Variants in BMERB1 observed in about 807,000 individuals in gnomAD.
BMERB1 encodes bMERB domain-containing protein 1.
BMERB1 carries 12 observed loss-of-function variants against 23.6 expected under a neutral mutation model. The observed-to-expected ratio is 0.51, with a 90% confidence interval of 0.33 to 0.82. The LOEUF (loss-of-function observed/expected upper bound fraction) is 0.82. Ranked by LOEUF, BMERB1 falls within the 40% of genes least tolerant of loss-of-function variation. The pLI, the probability that BMERB1 is intolerant of heterozygous loss-of-function variation, is 0.03. For synonymous variants in BMERB1, 122 were observed against 96.6 expected, an observed-to-expected ratio of 1.26 and a Z score of -1.54; for missense variants, 247 against 255.4, an observed-to-expected ratio of 0.97 and a Z score of 0.22.
intron 1 of BMERB1, among the ~76,000 whole-genome samples, chr16:15,465,083 T>A (rs1350137068): frequency 6.6e-6 from 1 of 152,122 alleles, no homozygotes; most frequent in African/African-American, 2.4e-5. Context: ...TACCTGAATC[T>A]GTACATGTGA....
At chr16:15,481,072 T>C (rs985658615) in intron 1 of BMERB1, among the ~76,000 whole-genome samples, 1 of 152,184 alleles carries the variant, frequency 6.6e-6, no homozygotes, top group Admixed American at 6.5e-5. Flanking sequence ...GGTAGAACTT[T>C]AGAGCAAAAT....
chr16:15,547,769 G>A (rs2029964930), intron 2 of BMERB1, among the ~76,000 whole-genome samples: 1 of 152,182 alleles, frequency 6.6e-6, no homozygotes, highest in Non-Finnish European at 1.5e-5. Context: ...TTGAGATAAT[G>A]TGGGTGTCCG....
At chr16:15,451,223 C>T (rs934741294) in intron 1 of BMERB1, among the ~76,000 whole-genome samples, 6 of 152,210 alleles carry the variant, frequency 3.9e-5, no homozygotes, top group Non-Finnish European at 8.8e-5. Flanking sequence ...CTCTCTGGAG[C>T]GAGTCTCACC....
intron 1 of BMERB1, among the ~76,000 whole-genome samples, chr16:15,459,767 A>G (rs1487678062): frequency 6.6e-6 from 1 of 152,196 alleles, no homozygotes; most frequent in East Asian, 1.9e-4. Context: ...GAAGTGCACC[A>G]TAGTGGTGGT....
At chr16:15,566,671 TAAAAATAAAAATAAATTTA>T (rs1848597178) in intron 2 of BMERB1, among the ~76,000 whole-genome samples, 1 of 150,730 alleles carries the variant, frequency 6.6e-6, no homozygotes, top group Non-Finnish European at 1.5e-5. Flanking sequence ...CTAAAAAAAA[TAAAAATAAAAATAAATTTA>T]AAAAATAAAA....
rs79323793 is a variant in BMERB1, at chr16:15,544,735, C to T, written c.231-23248C>T. ...AGGCAGATAAAGACATGAACATTGT[C>T]CCAGCCACAAAAATCACCCAATAGC... On this transcript the variant is annotated intron_variant, in intron 2 of 5. Coordinates refer to ENST00000300006, the MANE Select transcript of BMERB1 (RefSeq NM_033201.3). Among the ~76,000 whole-genome samples, 1,038 of 152,236 alleles carry T rather than the reference C, an allele frequency of 6.8e-3. 11 individuals are homozygous for T. The highest frequency in any genetic ancestry group is 0.024 in the African/African-American group (976 of 41,528).
intron 2 of BMERB1, among the ~76,000 whole-genome samples, chr16:15,546,496 C>T (rs1433350742): frequency 6.6e-6 from 1 of 152,074 alleles, no homozygotes; most frequent in Non-Finnish European, 1.5e-5. Context: ...TAACGAGATG[C>T]AAATAAACTG....
At chr16:15,502,172 G>C in intron 1 of BMERB1, 1 of 936,406 alleles carries the variant, frequency 1.1e-6, no homozygotes, top group Non-Finnish European at 1.6e-6. Context: ...GCGTCCTCCT[G>C]AATTACTTTT....
chr16:15,546,218 A>AT (rs1385742373), intron 2 of BMERB1, among the ~76,000 whole-genome samples: 10 of 152,052 alleles, frequency 6.6e-5, no homozygotes, highest in Non-Finnish European at 1.3e-4. Flanking sequence ...AGCCTGGGAG[A>AT]TTGAGGCTGT....
At chr16:15,568,095 T>C in intron 3 of BMERB1, 39 bp downstream of exon 3, 2 of 1,596,328 alleles carry the variant, frequency 1.3e-6, no homozygotes, top group South Asian at 1.1e-5. Flanking sequence ...AAACAGGTGC[T>C]TGGGGGCCCC....
intron 2 of BMERB1, among the ~76,000 whole-genome samples, chr16:15,548,804 G>A (rs975773397): frequency 2.2e-4 from 33 of 152,290 alleles, no homozygotes; most frequent in African/African-American, 6.7e-4. Flanking sequence ...AAGCTTATCT[G>A]CTTCTGCTGG....
rs57021793 is a variant in BMERB1 at position 15,512,012 on chromosome 16, CAAAAA to C, written c.107-3271_107-3267del. On this transcript the variant is annotated intron_variant, in intron 1 of 5. Transcript: ENST00000300006. ...TGGGCAACAGAGCAAGACTTGCTCT[CAAAAA>C]AAAAAAAAAAAAAAAAAAAAAGGGG... 4.7e-4 allele frequency among the ~76,000 whole-genome samples: 29 copies of C among 61,116 alleles called. No homozygotes were observed. In the East Asian group the frequency reaches 5.0e-3, roughly 11 times the overall value. 40.1% of individuals were successfully genotyped at this position (61,116 alleles called of 152,430 possible).
At chr16:15,440,749 G>T (rs2050932699) in intron 1 of BMERB1, among the ~76,000 whole-genome samples, 3 of 152,248 alleles carry the variant, frequency 2.0e-5, no homozygotes, top group Non-Finnish European at 4.4e-5. Context: ...TGTTCTAGGG[G>T]CTGCAGGTAC....
chr16:15,495,211 A>ATTG (rs1004783666), intron 1 of BMERB1, among the ~76,000 whole-genome samples: 1 of 143,954 alleles, frequency 6.9e-6, no homozygotes, highest in South Asian at 2.2e-4. Context: ...TATTATTATT[A>ATTG]TTGTTGTTGT....
intron 2 of BMERB1, among the ~76,000 whole-genome samples, chr16:15,565,421 G>T (rs2150971154): frequency 6.6e-6 from 1 of 152,322 alleles, no homozygotes; most frequent in African/African-American, 2.4e-5. Flanking sequence ...AGTCTTCTTT[G>T]TAACATCTGA....
At chr16:15,511,351 G>C (rs1246841613) in intron 1 of BMERB1, among the ~76,000 whole-genome samples, 2 of 152,068 alleles carry the variant, frequency 1.3e-5, no homozygotes, top group African/African-American at 2.4e-5. Context: ...GGCTCGGCCA[G>C]GTGGCCAGAT....
At chr16:15,448,695 G>A (rs185056718) in intron 1 of BMERB1, among the ~76,000 whole-genome samples, 2 of 152,294 alleles carry the variant, frequency 1.3e-5, no homozygotes. Flanking sequence ...AGGAGGCTGA[G>A]GCATGAGAAT....
intron 1 of BMERB1, among the ~76,000 whole-genome samples, chr16:15,477,572 A>G (rs577460100): frequency 6.6e-6 from 1 of 152,282 alleles, no homozygotes; most frequent in African/African-American, 2.4e-5. Context: ...TTGAGGCTGC[A>G]GTGAGCCATG....
At chr16:15,488,605 G>A (rs539600171) in intron 1 of BMERB1, among the ~76,000 whole-genome samples, 2 of 151,356 alleles carry the variant, frequency 1.3e-5, no homozygotes, top group South Asian at 4.2e-4. Context: ...AGGCCGAGGC[G>A]GGTGGATCAC....
Sources: gnomAD v4.1 joint callset for allele counts (sites outside exome capture counted in the v4.1 genomes callset) on GRCh38, gnomAD v4.1.1 for gene constraint, MANE v1.5 for transcripts, NCBI Gene and HGNC (gene_info 2026-07-23, HGNC 2026-07-21) for gene names.